AP4S1: variants seen among roughly 807,000 people sequenced by gnomAD.
The protein encoded by AP4S1 is adaptor related protein complex 4 subunit sigma 1, also known as AP-4 complex subunit sigma-1.
AP4S1 carries 23 observed loss-of-function variants against 19.8 expected under a neutral mutation model. The ratio of observed to expected loss-of-function variants is 1.16; its 90% CI spans 0.84 to 1.65. The LOEUF is 1.65. Ranked by LOEUF, AP4S1 falls within the 40% of genes most tolerant of loss-of-function variation. The pLI, the probability that AP4S1 is intolerant of heterozygous loss-of-function variation, is 0.00. For missense variants in AP4S1, 166 were observed against 172.8 expected (o/e 0.96, Z 0.22); for synonymous variants, 46 against 54.1 (o/e 0.85, Z 0.66).
intron 1 of AP4S1, among the ~76,000 whole-genome samples, chr14:31,061,905 C>T (rs527397745): frequency 6.6e-6 from 1 of 151,274 alleles, no homozygotes; most frequent in Admixed American, 6.6e-5. Flanking sequence ...CTCCCAAATT[C>T]GGTGCTGGGA....
At chr14:31,063,789 C>CTA (rs1177929237) in intron 1 of AP4S1, among the ~76,000 whole-genome samples, 1 of 152,154 alleles carries the variant, frequency 6.6e-6, no homozygotes, top group Non-Finnish European at 1.5e-5. Flanking sequence ...TAATAATGTA[C>CTA]TAATATTGGT....
At chr14:31,037,056 C>T (rs562931474) in intron 1 of AP4S1, among the ~76,000 whole-genome samples, 13 of 152,090 alleles carry the variant, frequency 8.5e-5, no homozygotes, top group African/African-American at 2.9e-4. Flanking sequence ...TTCTGATCTG[C>T]CTGCCTCGGC....
intron 1 of AP4S1, among the ~76,000 whole-genome samples, chr14:31,065,821 C>T (rs1886685083): frequency 6.6e-6 from 1 of 152,056 alleles, no homozygotes; most frequent in Non-Finnish European, 1.5e-5. Flanking sequence ...CCACCACGCC[C>T]AGCTAATTTT....
intron 1 of AP4S1, among the ~76,000 whole-genome samples, chr14:31,037,389 C>T (rs1053370651): frequency 6.6e-6 from 1 of 151,998 alleles, no homozygotes; most frequent in Non-Finnish European, 1.5e-5. Flanking sequence ...TGAGGAGGTT[C>T]GGGAAGATCC....
At position 31,058,722 on chromosome 14, in the gene AP4S1, G is replaced by T. The variant is rs75749385; in HGVS notation, c.-71-7404G>T. Reference sequence around the variant, plus strand: ...AGCTGGGACTATAGGTACACACCGCGATGCCTGGCTTTTTTTTTTTTTCCT... The same window carrying T: ...AGCTGGGACTATAGGTACACACCGCTATGCCTGGCTTTTTTTTTTTTTCCT... On this transcript the variant is annotated intron_variant, in intron 1 of 5. Transcript: ENST00000542754. 4.9e-3 allele frequency among the ~76,000 whole-genome samples: 734 copies of T among 151,214 alleles called. 7 individuals are homozygous for T. The highest frequency in any genetic ancestry group is 0.017 in the African/African-American group (688 of 41,210).
chr14:31,070,432 G>T (rs992539383), intron 3 of AP4S1, among the ~76,000 whole-genome samples: 1 of 151,918 alleles, frequency 6.6e-6, no homozygotes, highest in African/African-American at 2.4e-5. Context: ...TTTTCTTTTA[G>T]AGATGGGATC....
intron 1 of AP4S1, among the ~76,000 whole-genome samples, chr14:31,030,736 C>T (rs1350599279): frequency 2.0e-5 from 3 of 152,144 alleles, no homozygotes; most frequent in East Asian, 1.9e-4. Flanking sequence ...GACCCAGACA[C>T]GTAATCTCTG....
rs570384446 is a variant in AP4S1 at position 31,052,269 on chromosome 14, CG to C, written c.-71-13853del. 5.3e-3 allele frequency among the ~76,000 whole-genome samples: 809 copies of C among 151,490 alleles called. 6 individuals carry two copies. Among genetic ancestry groups the C allele is most frequent in the African/African-American group, 0.019 (772 of 41,298 alleles). On this transcript the variant is annotated intron_variant, in intron 1 of 5. Transcript: ENST00000542754. ...CTTTGGTGATAGAGTGAGACCCTCT[CG>C]GGGAAAAAAAAGACATGAAGTTGGT...
intron 1 of AP4S1, among the ~76,000 whole-genome samples, chr14:31,032,095 A>G (rs1395397085): frequency 6.7e-6 from 1 of 150,084 alleles, no homozygotes; most frequent in African/African-American, 2.5e-5. Flanking sequence ...AAAAAAAGAA[A>G]AAAGAGCTGG....
chr14:31,063,395 T>C (rs965370182), intron 1 of AP4S1, among the ~76,000 whole-genome samples: 1 of 151,300 alleles, frequency 6.6e-6, no homozygotes, highest in Non-Finnish European at 1.5e-5. Context: ...GACTGCACCA[T>C]TGCACTCCAG....
chr14:31,089,204 C>T (rs1400973906), intron 5 of AP4S1, among the ~76,000 whole-genome samples: 1 of 150,376 alleles, frequency 6.6e-6, no homozygotes, highest in Non-Finnish European at 1.5e-5. Context: ...CTATACTATA[C>T]TACAAGAAGA....
rs527600463 is a variant in AP4S1 at position 31,094,251 on chromosome 14, C to G, written c.*1216C>G. ...CAGGCTGGACTGCAGTGGCTTTTCA[C>G]AAGCATGATCATGTTGTACTACAAC... is the stretch of plus-strand genomic sequence containing the variant. On this transcript the variant is annotated 3_prime_UTR_variant, in exon 6 of 6. Coordinates refer to ENST00000542754, the MANE Select transcript of AP4S1 (RefSeq NM_001128126.3). The G allele has an allele frequency of 6.5e-6, 1 of 152,840 alleles. No homozygotes were observed. The highest frequency in any genetic ancestry group is 1.5e-5 in the Non-Finnish European group (1 of 68,628). 9.5% of individuals were successfully genotyped at this position (152,840 alleles called of 1,614,324 possible).
chr14:31,070,086 C>A (rs1278362901), intron 3 of AP4S1, among the ~76,000 whole-genome samples, 157 bp downstream of exon 3: 2 of 152,088 alleles, frequency 1.3e-5, no homozygotes, highest in Non-Finnish European at 1.5e-5. Flanking sequence ...CCTCCACCTC[C>A]CAGGTTGAAG....
chr14:31,083,504 T>TTC (rs1887766664), intron 5 of AP4S1: 1 of 405,352 alleles, frequency 2.5e-6, no homozygotes, highest in African/African-American at 2.8e-5. Context: ...CTCTTTTTTT[T>TTC]TTTTTTTTTT....
chr14:31,031,056 A>G (rs535334414), intron 1 of AP4S1, among the ~76,000 whole-genome samples: 2 of 152,048 alleles, frequency 1.3e-5, no homozygotes, highest in Non-Finnish European at 1.5e-5. Flanking sequence ...TGTTCTCGTG[A>G]TAGTGAGTTC....
At chr14:31,046,662 GGTGAAACCCC>G (rs1885422503) in intron 1 of AP4S1, among the ~76,000 whole-genome samples, 1 of 152,016 alleles carries the variant, frequency 6.6e-6, no homozygotes. Context: ...AGGATAACAC[GGTGAAACCCC>G]GTCGCTACTA....
chr14:31,048,729 T>A (rs1885562367), intron 1 of AP4S1, among the ~76,000 whole-genome samples: 3 of 151,706 alleles, frequency 2.0e-5, no homozygotes, highest in Middle Eastern at 3.2e-3. Flanking sequence ...ACAGTGAGAC[T>A]CTGTCTCCAA....
intron 2 of AP4S1, among the ~76,000 whole-genome samples, chr14:31,066,818 G>A (rs1428615724): frequency 6.6e-6 from 1 of 152,030 alleles, no homozygotes. Context: ...TATTATTTTT[G>A]TAAATATACC....
At chr14:31,035,835 T>C (rs934028965) in intron 1 of AP4S1, among the ~76,000 whole-genome samples, 1 of 136,428 alleles carries the variant, frequency 7.3e-6, no homozygotes, top group Non-Finnish European at 1.5e-5. Flanking sequence ...GTTCACTCCA[T>C]TCTCCTGCCT....
Sources: gnomAD v4.1 joint callset for allele counts (sites outside exome capture counted in the v4.1 genomes callset) on GRCh38, gnomAD v4.1.1 for gene constraint, MANE v1.5 for transcripts, NCBI Gene and HGNC (gene_info 2026-07-23, HGNC 2026-07-21) for gene names.